Variants in AHRR observed in about 807,000 individuals in gnomAD.
AHRR encodes the protein aryl hydrocarbon receptor repressor.
A neutral mutation model predicts 44.0 loss-of-function variants in AHRR; 28 were observed. The observed-to-expected ratio is 0.64, with a 90% CI of 0.47 to 0.87. The LOEUF (loss-of-function observed/expected upper bound fraction) is 0.87, where lower values mean the gene tolerates loss of function less well. Among genes scored for constraint, AHRR ranks in the 40% least tolerant of loss-of-function variants. The probability of loss-of-function intolerance (pLI) is 0.00; values close to 1 mark genes in which losing one functional copy is unlikely to be tolerated. For missense variants in AHRR, 990 were observed against 953.9 expected, an observed-to-expected ratio of 1.04 and a Z score of -0.50; for synonymous variants, 434 against 407.0, an observed-to-expected ratio of 1.07 and a Z score of -0.80.
At chr5:362,220 G>T (rs1010847792) in intron 3 of AHRR, among the ~76,000 whole-genome samples, 1 of 152,224 alleles carries the variant, frequency 6.6e-6, no homozygotes, top group Non-Finnish European at 1.5e-5. Context: ...TGAGAAGGTG[G>T]CTGTCCACAA....
chr5:354,679 C>T (rs1230039865), intron 3 of AHRR, among the ~76,000 whole-genome samples: 5 of 152,186 alleles, frequency 3.3e-5, no homozygotes, highest in Admixed American at 6.5e-5. Flanking sequence ...CGTGCCTGCA[C>T]GTGGTTTGAT....
chr5:334,409 T>G (rs947072405), intron 1 of AHRR, among the ~76,000 whole-genome samples: 2 of 152,160 alleles, frequency 1.3e-5, no homozygotes, highest in Non-Finnish European at 2.9e-5. Context: ...TCATTCTTTC[T>G]CATTCTTTTT....
At position 388,670 on chromosome 5, in the gene AHRR, G is replaced by T. The variant is rs139257746; in HGVS notation, c.351+11954G>T. Among the ~76,000 whole-genome samples the T allele has an allele frequency of 3.4e-3, 522 of 152,288 alleles. 17 individuals are homozygous for T. The highest frequency in any genetic ancestry group is 0.032 in the Admixed American group (485 of 15,306). ...GGGCTTGGTGACATGAGGAGCGGGGGTGTCAGAGCCAGGGGCACCGTCCTC... is the reference window on the plus strand; with the variant it reads ...GGGCTTGGTGACATGAGGAGCGGGGTTGTCAGAGCCAGGGGCACCGTCCTC... On this transcript the variant is annotated intron_variant, in intron 4 of 10. Coordinates refer to ENST00000684583, the MANE Select transcript of AHRR (RefSeq NM_001377236.1). The surrounding 1 kb of genome is among the most constrained non-coding windows in gnomAD (Gnocchi z 5.2).
chr5:426,877 ATGGG>A (rs1353022582), intron 7 of AHRR, among the ~76,000 whole-genome samples: 1 of 147,288 alleles, frequency 6.8e-6, no homozygotes. Context: ...GGATGGATGG[ATGGG>A]TGGGTGGGTG....
At position 426,731 on chromosome 5, in the gene AHRR, GTGGA is replaced by G. The variant is rs370378213; in HGVS notation, c.709-1060_709-1057del. Among the ~76,000 whole-genome samples the G allele has an allele frequency of 1.7e-4, 19 of 113,276 alleles. No individual in the cohort carries two copies. The East Asian group carries it at 2.2e-3, about 13-fold the overall frequency. 74.3% of individuals were successfully genotyped at this position (113,276 alleles called of 152,430 possible). A position where few individuals can be genotyped will look rare whatever the true frequency, so the allele number is the denominator to read the frequency against. On this transcript the variant is annotated intron_variant, in intron 7 of 10. Coordinates refer to ENST00000684583, the MANE Select transcript of AHRR (RefSeq NM_001377236.1). Reference sequence around the variant, plus strand: ...GATGGCTAGATGGACAGATAGATGGGTGGATGGATGGATGGATGGGAAGATGATG... The same window carrying G: ...GATGGCTAGATGGACAGATAGATGGGTGGATGGATGGATGGGAAGATGATG...
At chr5:327,792 T>G (rs1450155877) in intron 1 of AHRR, among the ~76,000 whole-genome samples, 1 of 152,180 alleles carries the variant, frequency 6.6e-6, no homozygotes, top group Admixed American at 6.5e-5. Flanking sequence ...TTTTATTTTA[T>G]TATTACTATA....
At chr5:367,558 G>A (rs1743405476) in intron 3 of AHRR, among the ~76,000 whole-genome samples, 1 of 152,240 alleles carries the variant, frequency 6.6e-6, no homozygotes, top group Non-Finnish European at 1.5e-5. Context: ...GGCAGCGCCA[G>A]GCAGTGATGC....
In AHRR at chr5:419,525, T is replaced by G. The variant is rs77938966; in HGVS notation, c.442-3204T>G. On this transcript the variant is annotated intron_variant, in intron 5 of 10. Coordinates refer to ENST00000684583, the MANE Select transcript of AHRR (RefSeq NM_001377236.1). This position sits in a 1 kb window ranked among gnomAD's most constrained non-coding sequence, Gnocchi z 4.4. ...TGAAGAAATTAGGGATGGCAGCAAG[T>G]GTAAGGGGAATGTTGCTTGCCTCTG... 0.019 allele frequency among the ~76,000 whole-genome samples: 2,845 copies of G among 152,220 alleles called. 72 individuals carry two copies. Among genetic ancestry groups the G allele is most frequent in the African/African-American group, 0.062 (2,557 of 41,506 alleles).
intron 2 of AHRR, among the ~76,000 whole-genome samples, chr5:344,440 G>A (rs1385371042): frequency 3.3e-5 from 1 of 30,294 alleles, no homozygotes; most frequent in South Asian, 1.2e-3. Context: ...AGGCTGTGGG[G>A]GGCTGTGTGT....
At chr5:407,412 C>A (rs911764340) in intron 4 of AHRR, among the ~76,000 whole-genome samples, 5 of 152,120 alleles carry the variant, frequency 3.3e-5, no homozygotes, top group Non-Finnish European at 7.4e-5. Flanking sequence ...ACTTTAGCTT[C>A]TTTGATGTTT....
At chr5:384,584 C>A (rs1233318698) in intron 4 of AHRR, among the ~76,000 whole-genome samples, 1 of 152,030 alleles carries the variant, frequency 6.6e-6, no homozygotes, top group African/African-American at 2.4e-5. Flanking sequence ...CCACCATGCC[C>A]AGCTAACTTT....
chr5:394,735 G>A (rs1008340394), intron 4 of AHRR, among the ~76,000 whole-genome samples: 3 of 152,208 alleles, frequency 2.0e-5, no homozygotes, highest in East Asian at 3.8e-4. Context: ...CGCTGGCTCC[G>A]ATTGGGCCTG....
At chr5:433,061 C>T (rs1230646898) in intron 10 of AHRR, 114 bp downstream of exon 10, 1 of 1,299,360 alleles carries the variant, frequency 7.7e-7, no homozygotes, top group African/African-American at 1.5e-5. Flanking sequence ...CGACAGCAGC[C>T]TTGGCCACCA....
intron 4 of AHRR, among the ~76,000 whole-genome samples, chr5:410,400 C>T (rs142322943): frequency 3.9e-5 from 6 of 152,066 alleles, no homozygotes; most frequent in Middle Eastern, 3.4e-3. Flanking sequence ...TTTGTAGAGA[C>T]GGGGTCTCAC....
chr5:389,470 G>A (rs980487221), intron 4 of AHRR, among the ~76,000 whole-genome samples: 13 of 152,184 alleles, frequency 8.5e-5, no homozygotes, highest in Admixed American at 6.5e-5. Flanking sequence ...CTGCGTAGCC[G>A]GAAATCCCAA....
At chr5:422,661 C>T (rs1736185345) in intron 5 of AHRR, 68 bp from the exon 6 acceptor site, 8 of 1,609,828 alleles carry the variant, frequency 5.0e-6, no homozygotes, top group African/African-American at 1.3e-5. Flanking sequence ...TTCGGTTACT[C>T]GTCGGTGGAA....
rs138797035 is a variant in AHRR, at chr5:419,693, G to A, written c.442-3036G>A. ...TGGTGCCCGGCTCTTACTGCACAGG[G>A]ACCAACAGGCCGGCCCATAAGAGCT... On this transcript the variant is annotated intron_variant, in intron 5 of 10. Coordinates refer to ENST00000684583, the MANE Select transcript of AHRR (RefSeq NM_001377236.1). This position sits in a 1 kb window ranked among gnomAD's most constrained non-coding sequence, Gnocchi z 4.4. Among the ~76,000 whole-genome samples the A allele has an allele frequency of 5.8e-3, 879 of 152,196 alleles. 8 individuals carry two copies. The highest frequency in any genetic ancestry group is 0.021 in the African/African-American group (851 of 41,500).
chr5:377,832 G>T (rs549300526), intron 4 of AHRR, among the ~76,000 whole-genome samples: 1 of 152,222 alleles, frequency 6.6e-6, no homozygotes, highest in South Asian at 2.1e-4. Flanking sequence ...GGATATTTTG[G>T]AGCTACCTTC....
At position 404,258 on chromosome 5, in the gene AHRR, C is replaced by G; in HGVS notation, c.352-9086C>G. 1 of 506,804 alleles carries G rather than the reference C, an allele frequency of 2.0e-6. No homozygotes were observed. The highest frequency in any genetic ancestry group is 1.5e-5 in the South Asian group (1 of 64,696). The allele number at this position is 506,804 out of a possible 1,614,324, so 31.4% of individuals were successfully genotyped here. On this transcript the variant is annotated intron_variant, in intron 4 of 10. Transcript: ENST00000684583. This position sits in a 1 kb window ranked among gnomAD's most constrained non-coding sequence, Gnocchi z 4.1. The stretch of plus-strand genomic sequence containing the variant: ...TAATCACATCTGCTCCATGCATGTT[C>G]CCAAATCATTGCCCTTCTCATCAAA...
Sources: allele counts gnomAD v4.1 joint callset (sites outside exome capture counted in the v4.1 genomes callset), GRCh38; gene constraint gnomAD v4.1.1; non-coding constraint Gnocchi (gnomAD v3.1); transcripts MANE v1.5; gene names NCBI Gene and HGNC (gene_info 2026-07-23, HGNC 2026-07-21).